The following SLC38A11 variants were observed in gnomAD, a reference collection of about 807,000 sequenced individuals.
SLC38A11 encodes the protein putative sodium-coupled neutral amino acid transporter 11.
Under a neutral mutation model 49.4 loss-of-function variants are expected in SLC38A11, and 51 were observed. That is an observed-to-expected ratio of 1.03 (90% CI 0.83 to 1.30). The LOEUF is 1.30. SLC38A11 is among the 50% of genes most tolerant of loss of function. The pLI, the probability that SLC38A11 is intolerant of heterozygous loss-of-function variation, is 0.00. For synonymous variants in SLC38A11, 203 were observed against 192.9 expected (o/e 1.05, Z -0.43); for missense variants, 574 against 556.2 (o/e 1.03, Z -0.32).
chr2:164,939,579 A>T (rs1687609458), intron 5 of SLC38A11, 23 bp from the exon 6 acceptor site: 1 of 1,513,544 alleles, frequency 6.6e-7, no homozygotes, highest in African/African-American at 1.4e-5. Context: ...AAATATTATT[A>T]AATGTTACAG....
At chr2:164,925,299 T>C (rs1023363724) in intron 7 of SLC38A11, among the ~76,000 whole-genome samples, 3 of 152,330 alleles carry the variant, frequency 2.0e-5, no homozygotes, top group East Asian at 1.9e-4. Context: ...TTTAACATGA[T>C]GAAAACTTGT....
chr2:164,926,406 C>T (rs1347242795), intron 7 of SLC38A11, among the ~76,000 whole-genome samples: 1 of 150,756 alleles, frequency 6.6e-6, no homozygotes, highest in African/African-American at 2.5e-5. Flanking sequence ...AGCTGTATAG[C>T]TTGTGGTGAT....
At chr2:164,920,303 A>G (rs1686102194) in intron 7 of SLC38A11, among the ~76,000 whole-genome samples, 1 of 151,818 alleles carries the variant, frequency 6.6e-6, no homozygotes, top group Admixed American at 6.6e-5. Flanking sequence ...AAAGAAAGGA[A>G]GGAAGAAAGA....
intron 11 of SLC38A11, among the ~76,000 whole-genome samples, chr2:164,904,683 AATT>A (rs1307428134): frequency 6.6e-6 from 1 of 152,190 alleles, no homozygotes; most frequent in East Asian, 1.9e-4. Context: ...ATTAACTAAA[AATT>A]ATTAAGACAA....
chr2:164,942,949 G>T (rs1169971840), intron 5 of SLC38A11, among the ~76,000 whole-genome samples: 1 of 152,172 alleles, frequency 6.6e-6, no homozygotes, highest in Admixed American at 6.5e-5. Context: ...GGTCATTCGT[G>T]AGTCTGTGAT....
At chr2:164,943,114 C>T (rs1261195781) in intron 5 of SLC38A11, among the ~76,000 whole-genome samples, 1 of 152,168 alleles carries the variant, frequency 6.6e-6, no homozygotes. Flanking sequence ...CATCCATCTC[C>T]TCAACTGTAA....
At chr2:164,952,435 A>T (rs1688585002) in intron 3 of SLC38A11, among the ~76,000 whole-genome samples, 1 of 152,218 alleles carries the variant, frequency 6.6e-6, no homozygotes, top group Admixed American at 6.5e-5. Flanking sequence ...TGACTTCCCC[A>T]TCTACTACTT....
At chr2:164,937,514 G>A (rs1328432675) in intron 6 of SLC38A11, 85 bp from the exon 7 acceptor site, 3 of 904,336 alleles carry the variant, frequency 3.3e-6, no homozygotes, top group South Asian at 3.0e-5. Flanking sequence ...TTTTTAATTG[G>A]GTAAACTTAC....
At chr2:164,936,246 A>G (rs1291275278) in intron 7 of SLC38A11, among the ~76,000 whole-genome samples, 1 of 152,204 alleles carries the variant, frequency 6.6e-6, no homozygotes, top group Non-Finnish European at 1.5e-5. Flanking sequence ...AAATGCACTT[A>G]GACTGGATAT....
chr2:164,952,777 C>A lies in SLC38A11; in HGVS notation c.159G>T (p.Leu53Phe), dbSNP rs368295388. The stretch of plus-strand genomic sequence containing the variant: ...ACCCAGCTTGCTTCATTGAATAAGG[C>A]AATCCTGAAAAAACATAAAATGCCC... Reference protein sequence around the residue: ...NSIIGSGIIGLPYSMKQAGFP... With the variant: ...NSIIGSGIIGFPYSMKQAGFP... Residue 53 changes from leucine to phenylalanine, a missense_variant, in exon 3 of 12, where the codon TTG (leucine) becomes TTT (phenylalanine). Transcript: ENST00000685975. 16 of 1,595,986 alleles carry A rather than the reference C, an allele frequency of 1.0e-5. No homozygotes were observed. The South Asian group carries it at 1.8e-4, about 18-fold the overall frequency.
intron 6 of SLC38A11, among the ~76,000 whole-genome samples, chr2:164,938,336 C>G (rs1402427142): frequency 6.6e-6 from 1 of 152,078 alleles, no homozygotes; most frequent in Non-Finnish European, 1.5e-5. Context: ...CAGCCTGACT[C>G]CAGATTAGGG....
At chr2:164,946,017 A>G (rs562722367) in intron 3 of SLC38A11, among the ~76,000 whole-genome samples, 1 of 152,290 alleles carries the variant, frequency 6.6e-6, no homozygotes, top group East Asian at 1.9e-4. Context: ...CCAGTGTTCC[A>G]TTTTACTTTC....
chr2:164,953,676 A>C (rs1688668231), intron 2 of SLC38A11, among the ~76,000 whole-genome samples: 1 of 152,226 alleles, frequency 6.6e-6, no homozygotes, highest in Admixed American at 6.5e-5. Context: ...ATGTAAAATC[A>C]AGAACCATAT....
chr2:164,915,585 G>C (rs1328838179), intron 8 of SLC38A11: 1 of 418,756 alleles, frequency 2.4e-6, no homozygotes, highest in Non-Finnish European at 4.2e-6. Context: ...TTCATCCTGT[G>C]GCTTCCTTTG....
chr2:164,897,612 TGA>T lies in SLC38A11; in HGVS notation c.*823_*824del, dbSNP rs1406601840. ...ACTGAGAAAGCTTCTTCTGTAGCCC[TGA>T]TTCTTCTTACACGTTTCTAGTTTCA... On this transcript the variant is annotated 3_prime_UTR_variant, in exon 12 of 12. Transcript: ENST00000685975. The T allele has an allele frequency of 6.6e-6, 1 of 152,238 alleles. No homozygotes were observed. The highest frequency in any genetic ancestry group is 6.6e-5 in the Admixed American group (1 of 15,258). 9.4% of individuals were successfully genotyped at this position (152,238 alleles called of 1,614,324 possible).
intron 6 of SLC38A11, among the ~76,000 whole-genome samples, chr2:164,937,877 C>T (rs551676963): frequency 6.6e-5 from 10 of 152,138 alleles, no homozygotes; most frequent in South Asian, 2.1e-4. Context: ...CATTCCTCCC[C>T]GTCCTTTTTT....
At chr2:164,940,119 C>T (rs1329627996) in intron 5 of SLC38A11, among the ~76,000 whole-genome samples, 2 of 149,632 alleles carry the variant, frequency 1.3e-5, no homozygotes, top group Non-Finnish European at 1.5e-5. Flanking sequence ...ACTGGTTTCC[C>T]TGAATGGCAG....
intron 3 of SLC38A11, among the ~76,000 whole-genome samples, chr2:164,949,045 T>C (rs960467615): frequency 1.3e-5 from 2 of 151,676 alleles, no homozygotes; most frequent in Non-Finnish European, 2.9e-5. Context: ...ATTTTTTTTT[T>C]CTGCTTGACA....
chr2:164,913,026 T>A (rs1372154570), intron 9 of SLC38A11, among the ~76,000 whole-genome samples: 1 of 152,056 alleles, frequency 6.6e-6, no homozygotes, highest in Non-Finnish European at 1.5e-5. Flanking sequence ...GAAAATTAAA[T>A]TTTTTTAAGA....
Sources: allele counts gnomAD v4.1 joint callset (sites outside exome capture counted in the v4.1 genomes callset), GRCh38; gene constraint gnomAD v4.1.1; transcripts MANE v1.5; gene names NCBI Gene and HGNC (gene_info 2026-07-23, HGNC 2026-07-21).